Variants in NR2C2 observed in about 807,000 individuals in gnomAD.
NR2C2 encodes Nuclear hormone receptor TR4.
NR2C2 carries 6 observed loss-of-function variants against 62.9 expected under a neutral mutation model. The ratio of observed to expected loss-of-function variants is 0.10; its 90% CI spans 0.05 to 0.19. The LOEUF (loss-of-function observed/expected upper bound fraction) is 0.19. Among genes scored for constraint, NR2C2 ranks in the 10% least tolerant of loss-of-function variants. NR2C2 has a pLI of 1.00. For synonymous variants in NR2C2, 272 were observed against 273.8 expected, an observed-to-expected ratio of 0.99 and a Z score of 0.07; for missense variants, 479 against 762.7, an observed-to-expected ratio of 0.63 and a Z score of 4.38.
rs1310109094 is a variant in NR2C2, at chr3:15,027,538, A to G, written c.799-1048A>G. On this transcript the variant is annotated intron_variant, in intron 7 of 13. Coordinates refer to ENST00000425241, the MANE Select transcript of NR2C2 (RefSeq NM_001291694.2). ...CTCATGATGTTGAGCATCTCTTCAT[A>G]TGCTTATGGGCTGTTTATATATCTT... 4.6e-5 allele frequency among the ~76,000 whole-genome samples: 7 copies of G among 152,186 alleles called. No homozygotes were observed. In the East Asian group the frequency reaches 9.6e-4, roughly 21 times the overall value.
At chr3:14,972,163 T>A (rs2125294819) in intron 1 of NR2C2, among the ~76,000 whole-genome samples, 1 of 150,648 alleles carries the variant, frequency 6.6e-6, no homozygotes, top group African/African-American at 2.4e-5. Flanking sequence ...CTTTTTTTTT[T>A]CTTTTTCTTT....
At chr3:15,009,594 C>T (rs976172156) in intron 2 of NR2C2, among the ~76,000 whole-genome samples, 1 of 152,174 alleles carries the variant, frequency 6.6e-6, no homozygotes, top group African/African-American at 2.4e-5. Context: ...CAACACATAT[C>T]TTCTTAACGT....
intron 7 of NR2C2, among the ~76,000 whole-genome samples, chr3:15,027,250 C>T (rs1434282227): frequency 4.6e-5 from 7 of 152,232 alleles, no homozygotes; most frequent in Admixed American, 6.5e-5. Context: ...CTGCCTGCCT[C>T]GGCCTCCCAA....
chr3:15,035,167 C>T (rs554019600), intron 11 of NR2C2, among the ~76,000 whole-genome samples: 1 of 152,268 alleles, frequency 6.6e-6, no homozygotes, highest in South Asian at 2.1e-4. Flanking sequence ...GTGGCATCTG[C>T]CTGTAGTCCC....
At position 15,004,869 on chromosome 3, in the gene NR2C2, G is replaced by T. The variant is rs74861558; in HGVS notation, c.72+883G>T. On this transcript the variant is annotated intron_variant, in intron 2 of 13. Transcript: ENST00000425241. ...GATCTTAGCCAAAAGGTCGAGAAGC[G>T]ATGGAGAATTAACCCCTTTCTTGCT... 2.3e-3 allele frequency among the ~76,000 whole-genome samples: 353 copies of T among 152,266 alleles called. 2 individuals are homozygous for T. Among genetic ancestry groups the T allele is most frequent in the African/African-American group, 7.9e-3 (328 of 41,544 alleles).
intron 4 of NR2C2, among the ~76,000 whole-genome samples, chr3:15,018,991 G>T (rs1330413538): frequency 6.9e-6 from 1 of 143,980 alleles, no homozygotes; most frequent in Admixed American, 7.0e-5. Flanking sequence ...CTCCAGCCTG[G>T]GTGACAAAAG....
intron 1 of NR2C2, among the ~76,000 whole-genome samples, chr3:14,967,057 A>G (rs558938625): frequency 6.6e-6 from 1 of 152,082 alleles, no homozygotes; most frequent in Non-Finnish European, 1.5e-5. Context: ...GTCTGTTCAT[A>G]TTGTCCATTT....
intron 6 of NR2C2, 83 bp downstream of exon 6, chr3:15,023,430 G>A (rs929250028): frequency 2.0e-6 from 3 of 1,494,234 alleles, no homozygotes; most frequent in African/African-American, 2.8e-5. Flanking sequence ...CACTGTTGTG[G>A]CTTCCCACCC....
intron 1 of NR2C2, among the ~76,000 whole-genome samples, chr3:14,949,095 A>G (rs149004989): frequency 1.3e-4 from 20 of 152,326 alleles, no homozygotes; most frequent in African/African-American, 4.1e-4. Flanking sequence ...CGTTCGCTGA[A>G]TACATGTTGA....
Position 15,030,269 on chromosome 3 carries a change from TC to T in NR2C2, c.933-5del. The T allele has an allele frequency of 6.2e-7, 1 of 1,607,384 alleles. No individual in the cohort carries two copies. Among genetic ancestry groups the T allele is most frequent in the East Asian group, 2.2e-5 (1 of 44,564 alleles). Reference sequence around the variant, plus strand: ...CAACAATTACATGCTTCATTTTTGCTCACAGGGCATTTGATACCTTAGCTAA... The same window carrying T: ...CAACAATTACATGCTTCATTTTTGCTACAGGGCATTTGATACCTTAGCTAA... On this transcript the variant is annotated splice_polypyrimidine_tract_variant and splice_region_variant and intron_variant, in intron 8 of 13. Transcript: ENST00000425241.
chr3:14,979,776 C>A (rs953202988), intron 1 of NR2C2, among the ~76,000 whole-genome samples: 1 of 152,112 alleles, frequency 6.6e-6, no homozygotes, highest in African/African-American at 2.4e-5. Flanking sequence ...GAGATGAGGT[C>A]AGAGTGGGAG....
chr3:14,966,322 T>G (rs891544456), intron 1 of NR2C2, among the ~76,000 whole-genome samples: 3 of 151,812 alleles, frequency 2.0e-5, no homozygotes, highest in Non-Finnish European at 4.4e-5. Context: ...CTACACTAGT[T>G]GAATAGGAAA....
chr3:14,980,076 A>C (rs984648911), intron 1 of NR2C2, among the ~76,000 whole-genome samples: 1 of 152,070 alleles, frequency 6.6e-6, no homozygotes, highest in Non-Finnish European at 1.5e-5. Context: ...CATATTATAT[A>C]CTACGTGAAC....
In NR2C2 at chr3:15,030,613, A is replaced by G. The variant is rs190739301; in HGVS notation, c.1110+161A>G. On this transcript the variant is annotated intron_variant, in intron 9 of 13. Coordinates refer to ENST00000425241, the MANE Select transcript of NR2C2 (RefSeq NM_001291694.2). Reference sequence around the variant, plus strand: ...GAGGCCAAGGCACGTGGATCACTTCAGCTCAGGAGTTCAAGACCAGCCTGG... The same window carrying G: ...GAGGCCAAGGCACGTGGATCACTTCGGCTCAGGAGTTCAAGACCAGCCTGG... Among the ~76,000 whole-genome samples the G allele has an allele frequency of 2.7e-3, 409 of 152,026 alleles. 3 individuals carry two copies. Among genetic ancestry groups the G allele is most frequent in the Middle Eastern group, 3.4e-3 (1 of 294 alleles).
intron 5 of NR2C2, among the ~76,000 whole-genome samples, chr3:15,021,285 G>A (rs2041661766): frequency 6.6e-6 from 1 of 152,214 alleles, no homozygotes; most frequent in Admixed American, 6.5e-5. Context: ...CTCAGCCACA[G>A]GGTCCTCATC....
intron 1 of NR2C2, among the ~76,000 whole-genome samples, chr3:14,972,435 A>G (rs1259354921): frequency 6.6e-6 from 1 of 152,172 alleles, no homozygotes; most frequent in Non-Finnish European, 1.5e-5. Flanking sequence ...TGGGGCTCCG[A>G]AAGTGCTGGA....
Position 15,016,132 on chromosome 3 carries a change from C to T in NR2C2, c.274-20C>T, listed in dbSNP as rs372671015. The T allele has an allele frequency of 6.9e-6, 11 of 1,595,192 alleles. No individual in the cohort carries two copies. Among genetic ancestry groups the T allele is most frequent in the African/African-American group, 2.7e-5 (2 of 74,522 alleles). ...TTGATTTTTAATTGGCACCCCTGTTCGTTTCCTGATTTCTCTCAGATTGTC... is the reference window on the plus strand; with the variant it reads ...TTGATTTTTAATTGGCACCCCTGTTTGTTTCCTGATTTCTCTCAGATTGTC... On this transcript the variant is annotated intron_variant, in intron 3 of 13. Transcript: ENST00000425241.
intron 9 of NR2C2, among the ~76,000 whole-genome samples, chr3:15,032,093 A>G (rs1399284606): frequency 1.3e-5 from 2 of 152,208 alleles, no homozygotes; most frequent in Non-Finnish European, 2.9e-5. Context: ...CATAGAACAA[A>G]TAACAGTTTA....
At chr3:14,951,840 T>C (rs932790566) in intron 1 of NR2C2, among the ~76,000 whole-genome samples, 1 of 152,122 alleles carries the variant, frequency 6.6e-6, no homozygotes, top group African/African-American at 2.4e-5. Context: ...CTCTGCCTCC[T>C]GGGTTCACGC....
Sources: allele counts gnomAD v4.1 joint callset (sites outside exome capture counted in the v4.1 genomes callset), GRCh38; gene constraint gnomAD v4.1.1; transcripts MANE v1.5; gene names NCBI Gene and HGNC (gene_info 2026-07-23, HGNC 2026-07-21).